Variants in TUT4 observed in about 807,000 individuals in gnomAD.
TUT4 encodes terminal uridylyl transferase 4.
In TUT4, 36 loss-of-function variants were observed where a neutral mutation model predicts 192.2. The observed-to-expected ratio is 0.19, with a 90% confidence interval of 0.14 to 0.25. TUT4 has a LOEUF of 0.25. Among genes scored for constraint, TUT4 ranks in the 10% least tolerant of loss-of-function variants. The pLI, the probability that TUT4 is intolerant of heterozygous loss-of-function variation, is 1.00. For synonymous variants in TUT4, 618 were observed against 666.0 expected (o/e 0.93, Z 1.11); for missense variants, 1,493 against 1,957.2 (o/e 0.76, Z 4.47).
rs761402174 is a variant in TUT4, at chr1:52,489,043, T to C, written c.1389-8A>G. ...ACTCTACAAAGTAAACCACTGTGAATGAGAAAGAAACAAATTTCATTGTAT... is the reference window on the plus strand; with the variant it reads ...ACTCTACAAAGTAAACCACTGTGAACGAGAAAGAAACAAATTTCATTGTAT... On this transcript the variant is annotated splice_region_variant and splice_polypyrimidine_tract_variant and intron_variant, in intron 8 of 29. Transcript: ENST00000257177. 6.2e-7 allele frequency: 1 copy of C among 1,603,992 alleles called. No individual in the cohort carries two copies. The highest frequency in any genetic ancestry group is 1.1e-5 in the South Asian group (1 of 88,810).
intron 16 of TUT4, chr1:52,463,006 C>T: frequency 1.0e-6 from 1 of 985,290 alleles, no homozygotes; most frequent in South Asian, 4.7e-5. Context: ...CCATTAGTTA[C>T]TAATTCACAT....
At chr1:52,483,067 C>A (rs984556336) in intron 9 of TUT4, among the ~76,000 whole-genome samples, 2 of 152,168 alleles carry the variant, frequency 1.3e-5, no homozygotes, top group Non-Finnish European at 2.9e-5. Flanking sequence ...TTATCCTGTG[C>A]ATACACCCCT....
At chr1:52,441,058 T>C (rs528297688) in intron 24 of TUT4, among the ~76,000 whole-genome samples, 62 of 152,230 alleles carry the variant, frequency 4.1e-4, no homozygotes, top group South Asian at 2.3e-3. Context: ...TTTTCACAGA[T>C]GAAGAGGTTG....
At chr1:52,516,461 C>T (rs529471740) in intron 2 of TUT4, among the ~76,000 whole-genome samples, 1 of 152,332 alleles carries the variant, frequency 6.6e-6, no homozygotes, top group East Asian at 1.9e-4. Flanking sequence ...ATTAAAACAA[C>T]ATATGTATAC....
intron 1 of TUT4, among the ~76,000 whole-genome samples, chr1:52,543,630 C>A (rs1378986012): frequency 2.6e-5 from 4 of 151,862 alleles, no homozygotes; most frequent in African/African-American, 9.7e-5. Flanking sequence ...ATTACAGGTA[C>A]CTGCCACTGG....
chr1:52,439,774 T>C (rs1041399538), intron 24 of TUT4, among the ~76,000 whole-genome samples: 3 of 152,194 alleles, frequency 2.0e-5, no homozygotes, highest in East Asian at 1.9e-4. Context: ...CTATTAAGTA[T>C]ATACCAAGAG....
intron 7 of TUT4, among the ~76,000 whole-genome samples, chr1:52,492,523 C>A (rs1046437050): frequency 5.3e-5 from 8 of 152,256 alleles, no homozygotes; most frequent in East Asian, 3.9e-4. Flanking sequence ...CAAAAAGATA[C>A]AATGTAATAT....
Position 52,475,183 on chromosome 1 carries a change from G to C in TUT4, c.2376C>G (p.Asp792Glu). The change falls in exon 13 of 30, where the codon GAC becomes GAG. Residue 792 changes from aspartate (D) to glutamate (E), a missense_variant. Around this residue, in one of 7 missense-constraint regions of TUT4, gnomAD observed 245 missense variants for 218.4 expected, o/e 1.12. Transcript: ENST00000257177. ...AAAGAGATGAAGAGTCCTGTCCGTG[G>C]TCAGCAAAATCTAGTTCATTTACCA... ...NLLVNELDFA[D>E]HGQDSSSLST... 1.2e-6 allele frequency: 2 copies of C among 1,614,086 alleles called. No individual in the cohort carries two copies. The highest frequency in any genetic ancestry group is 1.7e-6 in the Non-Finnish European group (2 of 1,180,014).
chr1:52,530,990 C>G (rs1683235108), intron 1 of TUT4, among the ~76,000 whole-genome samples: 1 of 151,926 alleles, frequency 6.6e-6, no homozygotes, highest in African/African-American at 2.4e-5. Context: ...GTGATAAGAG[C>G]CAGAACTTGT....
chr1:52,465,780 G>A (rs1159519993), intron 15 of TUT4, among the ~76,000 whole-genome samples: 2 of 152,126 alleles, frequency 1.3e-5, no homozygotes, highest in African/African-American at 2.4e-5. Context: ...TATAAATTAT[G>A]ATAGGGTTAA....
At chr1:52,459,370 C>T (rs1402842504) in intron 19 of TUT4, among the ~76,000 whole-genome samples, 1 of 151,376 alleles carries the variant, frequency 6.6e-6, no homozygotes, top group Non-Finnish European at 1.5e-5. Context: ...GGGTGGATTG[C>T]TTGAGCCCAA....
chr1:52,546,904 G>C (rs1356982039), intron 1 of TUT4, among the ~76,000 whole-genome samples: 1 of 152,028 alleles, frequency 6.6e-6, no homozygotes, highest in Non-Finnish European at 1.5e-5. Flanking sequence ...GGCTGAGGAA[G>C]GAGGATCATT....
intron 1 of TUT4, among the ~76,000 whole-genome samples, chr1:52,531,310 C>T (rs1192517244): frequency 6.6e-6 from 1 of 151,400 alleles, no homozygotes; most frequent in African/African-American, 2.4e-5. Context: ...ACTACAGCTT[C>T]GAATTCCTGG....
Position 52,445,879 on chromosome 1 carries a change from AAAG to A in TUT4, c.3740-13_3740-11del. The A allele has an allele frequency of 6.2e-7, 1 of 1,607,170 alleles. No individual in the cohort carries two copies. The highest frequency in any genetic ancestry group is 8.5e-7 in the Non-Finnish European group (1 of 1,176,980). On this transcript the variant is annotated splice_polypyrimidine_tract_variant and intron_variant, in intron 23 of 29. Coordinates refer to ENST00000257177, the MANE Select transcript of TUT4 (RefSeq NM_001009881.3). ...ATGATGAAATTGGTCACTATTAAAG[AAAG>A]AAGAAAACAATAAAGATGCAGACAT...
At chr1:52,534,102 A>G (rs868330331) in intron 1 of TUT4, among the ~76,000 whole-genome samples, 15 of 152,332 alleles carry the variant, frequency 9.8e-5, no homozygotes, top group Middle Eastern at 3.4e-3. Flanking sequence ...TTCCTTGCCT[A>G]AGGAGAAGAG....
At chr1:52,529,823 C>A (rs1682861704) in intron 1 of TUT4, 1 of 152,144 alleles carries the variant, frequency 6.6e-6, no homozygotes, top group Admixed American at 6.5e-5. Context: ...GACAGGTTTT[C>A]ATTTTGAGTA....
intron 2 of TUT4, among the ~76,000 whole-genome samples, chr1:52,521,395 T>C (rs187779090): frequency 1.3e-5 from 2 of 152,288 alleles, no homozygotes; most frequent in African/African-American, 2.4e-5. Flanking sequence ...CCATGTATGG[T>C]AGCTCATGCC....
chr1:52,509,529 T>TA (rs1269695593), intron 4 of TUT4, 67 bp downstream of exon 4: 40 of 937,640 alleles, frequency 4.3e-5, no homozygotes, highest in Non-Finnish European at 5.2e-5. Flanking sequence ...GTTTCACAAA[T>TA]AAAAAATATT....
chr1:52,439,100 T>TAG (rs1654719457), intron 24 of TUT4, among the ~76,000 whole-genome samples: 1 of 143,376 alleles, frequency 7.0e-6, no homozygotes, highest in Non-Finnish European at 1.5e-5. Flanking sequence ...AAGTCTGTAG[T>TAG]CCCAGCTACT....
Sources: allele counts gnomAD v4.1 joint callset (sites outside exome capture counted in the v4.1 genomes callset), GRCh38; gene constraint gnomAD v4.1.1; regional missense constraint gnomAD v4.1.1; transcripts MANE v1.5; gene names NCBI Gene and HGNC (gene_info 2026-07-23, HGNC 2026-07-21).